CSMD1: variants seen among roughly 807,000 people sequenced by gnomAD.
The protein encoded by CSMD1 is CUB and sushi domain-containing protein 1.
In CSMD1, 213 loss-of-function variants were observed where a neutral mutation model predicts 417.5. That is an observed-to-expected ratio of 0.51 (90% CI 0.46 to 0.57). The LOEUF (loss-of-function observed/expected upper bound fraction) is 0.57. CSMD1 is among the 20% of genes least tolerant of loss of function. The pLI, the probability that CSMD1 is intolerant of heterozygous loss-of-function variation, is 0.00. For synonymous variants in CSMD1, 2,862 were observed against 1,736.8 expected, an observed-to-expected ratio of 1.65 and a Z score of -16.11; for missense variants, 6,923 against 4,529.7, an observed-to-expected ratio of 1.53 and a Z score of -15.17.
rs764303667 is a variant in CSMD1 at position 4,845,887 on chromosome 8, C to G, written c.85+148445G>C. On this transcript the variant is annotated intron_variant, in intron 1 of 69. Coordinates refer to ENST00000635120, the MANE Select transcript of CSMD1 (RefSeq NM_033225.6). ...ACCTAATGAGGATTTTGTCAGTCAC[C>G]GTGGCTAACTAAAATGACAAGGTTA... 1.6e-4 allele frequency among the ~76,000 whole-genome samples: 24 copies of G among 152,122 alleles called. 1 individual carries two copies. In the East Asian group the frequency reaches 4.2e-3, roughly 27 times the overall value.
chr8:4,540,630 G>C (rs1797334611), intron 2 of CSMD1, among the ~76,000 whole-genome samples: 1 of 152,132 alleles, frequency 6.6e-6, no homozygotes, highest in African/African-American at 2.4e-5. Context: ...CTTGAGAGGG[G>C]CCAGACATGG....
intron 6 of CSMD1, among the ~76,000 whole-genome samples, chr8:3,727,063 C>A (rs547901989): frequency 2.0e-4 from 31 of 152,110 alleles, no homozygotes; most frequent in East Asian, 1.9e-3. Context: ...TTTTTTCTCT[C>A]TATATAAAGA....
At chr8:3,307,161 G>A (rs1563252924) in intron 25 of CSMD1, among the ~76,000 whole-genome samples, 1 of 152,138 alleles carries the variant, frequency 6.6e-6, no homozygotes, top group African/African-American at 2.4e-5. Context: ...CCTAGCCCAT[G>A]AGACTTGCTT....
intron 3 of CSMD1, among the ~76,000 whole-genome samples, chr8:4,175,695 C>A (rs1016689548): frequency 2.0e-5 from 3 of 152,054 alleles, no homozygotes; most frequent in Non-Finnish European, 4.4e-5. Flanking sequence ...AATGTCCTCA[C>A]AGAAGGGAGA....
intron 39 of CSMD1, among the ~76,000 whole-genome samples, chr8:3,157,017 C>T (rs964023410): frequency 5.6e-5 from 8 of 142,372 alleles, no homozygotes; most frequent in Non-Finnish European, 7.6e-5. Flanking sequence ...AAGCAGGATA[C>T]TGCTAATAGC....
chr8:3,890,329 G>C (rs191505487), intron 5 of CSMD1, among the ~76,000 whole-genome samples: 145 of 152,196 alleles, frequency 9.5e-4, no homozygotes, highest in Non-Finnish European at 1.8e-3. Context: ...TTGCACACTT[G>C]AATTCAACAG....
At chr8:4,219,460 C>G (rs573950807) in intron 3 of CSMD1, among the ~76,000 whole-genome samples, 43 of 152,292 alleles carry the variant, frequency 2.8e-4, no homozygotes, top group African/African-American at 1.0e-3. Flanking sequence ...GAACCTCTCT[C>G]TTGAACTCTA....
At chr8:3,984,414 G>C (rs1452892560) in intron 5 of CSMD1, among the ~76,000 whole-genome samples, 2 of 151,858 alleles carry the variant, frequency 1.3e-5, no homozygotes, top group African/African-American at 2.4e-5. Context: ...GAGTACTTTT[G>C]GTTCTAAGAT....
chr8:3,643,246 A>T (rs1034429309), intron 7 of CSMD1, among the ~76,000 whole-genome samples: 2 of 152,178 alleles, frequency 1.3e-5, no homozygotes, highest in African/African-American at 4.8e-5. Flanking sequence ...AGCAGAACAA[A>T]GACAAAGAGA....
intron 5 of CSMD1, among the ~76,000 whole-genome samples, chr8:3,792,027 G>C (rs1023192889): frequency 2.6e-5 from 4 of 152,044 alleles, no homozygotes; most frequent in African/African-American, 9.7e-5. Context: ...TGTTTTGACA[G>C]TCAATTAACT....
At chr8:3,689,576 G>A (rs998521472) in intron 7 of CSMD1, among the ~76,000 whole-genome samples, 3 of 152,104 alleles carry the variant, frequency 2.0e-5, no homozygotes, top group African/African-American at 7.2e-5. Context: ...ATTCACCTAA[G>A]GACAGTTCAG....
intron 3 of CSMD1, among the ~76,000 whole-genome samples, chr8:4,353,751 T>C (rs200872040): frequency 6.9e-6 from 1 of 145,090 alleles, no homozygotes; most frequent in Non-Finnish European, 1.5e-5. Context: ...GGAGATTTCT[T>C]TTTTTGCCCT....
chr8:4,838,296 G>A (rs1012895608), intron 1 of CSMD1, among the ~76,000 whole-genome samples: 1 of 152,192 alleles, frequency 6.6e-6, no homozygotes, highest in Non-Finnish European at 1.5e-5. Context: ...GTCAGTCACT[G>A]TGCTAACGTA....
chr8:3,107,676 T>G, intron 45 of CSMD1, 42 bp downstream of exon 45: 1 of 1,139,674 alleles, frequency 8.8e-7, no homozygotes, highest in Non-Finnish European at 1.3e-6. Context: ...TGTAAAAAAA[T>G]GTCGTGCTGA....
intron 1 of CSMD1, among the ~76,000 whole-genome samples, chr8:4,673,163 G>A (rs560957241): frequency 1.3e-5 from 2 of 152,046 alleles, no homozygotes; most frequent in South Asian, 2.1e-4. Flanking sequence ...GGGATTCTAT[G>A]GAAGGAAAAA....
chr8:3,348,084 G>T lies in CSMD1; in HGVS notation c.3382C>A (p.His1128Asn), dbSNP rs776072371. 5 of 1,612,204 alleles carry T rather than the reference G, an allele frequency of 3.1e-6. No individual in the cohort carries two copies. The highest frequency in any genetic ancestry group is 4.2e-6 in the Non-Finnish European group (5 of 1,178,828). The change falls in exon 22 of 70, where the codon CAT (histidine) becomes AAT (asparagine). Residue 1128 changes from histidine to asparagine, a missense_variant. His to Asn is a moderately conservative substitution (Grantham distance 68). Coordinates refer to ENST00000635120, the MANE Select transcript of CSMD1 (RefSeq NM_033225.6). Reference protein sequence around the residue: ...PNFPSNYDNNHECIYKIETEA... With the variant: ...PNFPSNYDNNNECIYKIETEA... ...GTTTCTATTTTATAGATACACTCAT[G>T]GTTATTATCATAATTGGATGGAAAA...
intron 2 of CSMD1, among the ~76,000 whole-genome samples, chr8:4,514,255 C>G (rs116183736): frequency 1.3e-4 from 20 of 151,974 alleles, no homozygotes; most frequent in African/African-American, 9.7e-5. Context: ...TCTTTTTATA[C>G]GGATATAAAT....
rs745415720 is a variant in CSMD1, at chr8:3,699,990, C to T, written c.1009+8424G>A. On this transcript the variant is annotated intron_variant, in intron 7 of 69. Transcript: ENST00000635120. ...ATCCCTGGGTTATTCAATTCACCAC[C>T]TGAGCATCTGTTGTGTTCCTGAGAC... Among the ~76,000 whole-genome samples the T allele has an allele frequency of 3.3e-5, 5 of 152,216 alleles. No homozygotes were observed. In the East Asian group the frequency reaches 9.7e-4, roughly 29 times the overall value.
At position 4,441,056 on chromosome 8, in the gene CSMD1, T is replaced by G. The variant is rs75913015; in HGVS notation, c.303-20991A>C. The stretch of plus-strand genomic sequence containing the variant: ...ATACATCTATTATCATTTTAAAATA[T>G]AAACTTTTTTCCTAATAATTTGACT... On this transcript the variant is annotated intron_variant, in intron 2 of 69. Transcript: ENST00000635120. Among the ~76,000 whole-genome samples, 85 of 141,522 alleles carry G rather than the reference T, an allele frequency of 6.0e-4. 1 individual carries two copies. The highest frequency in any genetic ancestry group is 1.1e-3 in the Non-Finnish European group (72 of 65,920). 92.8% of individuals were successfully genotyped at this position (141,522 alleles called of 152,430 possible).
Sources: gnomAD v4.1 joint callset for allele counts (sites outside exome capture counted in the v4.1 genomes callset) on GRCh38, gnomAD v4.1.1 for gene constraint, MANE v1.5 for transcripts, NCBI Gene and HGNC (gene_info 2026-07-23, HGNC 2026-07-21) for gene names.